INPP5D: variants seen among roughly 807,000 people sequenced by gnomAD.
The protein encoded by INPP5D is phosphatidylinositol 3,4,5-trisphosphate 5-phosphatase 1.
A neutral mutation model predicts 122.9 loss-of-function variants in INPP5D; 33 were observed. The ratio of observed to expected loss-of-function variants is 0.27; its 90% CI spans 0.20 to 0.36. The LOEUF is 0.36. INPP5D is among the 10% of genes least tolerant of loss of function. INPP5D has a pLI of 1.00. For synonymous variants in INPP5D, 584 were observed against 576.2 expected (o/e 1.01, Z -0.19); for missense variants, 1,053 against 1,412.7 (o/e 0.75, Z 4.08).
At chr2:233,095,559 G>C (rs1181530135) in intron 2 of INPP5D, among the ~76,000 whole-genome samples, 1 of 147,118 alleles carries the variant, frequency 6.8e-6, no homozygotes, top group African/African-American at 2.5e-5. Flanking sequence ...GGAGGCAGAG[G>C]TCGCAGTGAA....
intron 24 of INPP5D, 43 bp downstream of exon 24, chr2:233,195,538 G>A (rs1390668753): frequency 6.2e-7 from 1 of 1,611,808 alleles, no homozygotes; most frequent in Non-Finnish European, 8.5e-7. Context: ...GTGGATATCA[G>A]GGACTCATGA....
intron 2 of INPP5D, among the ~76,000 whole-genome samples, chr2:233,116,286 T>C (rs535898426): frequency 6.6e-6 from 1 of 151,184 alleles, no homozygotes; most frequent in East Asian, 1.9e-4. Context: ...GATATAGATA[T>C]ATAGATATAT....
At chr2:233,063,176 G>GC (rs941927055) in intron 1 of INPP5D, among the ~76,000 whole-genome samples, 2 of 152,152 alleles carry the variant, frequency 1.3e-5, no homozygotes, top group African/African-American at 4.8e-5. Context: ...AGCAGGCTTT[G>GC]CCCCCCTAGC....
At chr2:233,117,527 C>T (rs1458255344) in intron 2 of INPP5D, among the ~76,000 whole-genome samples, 1 of 152,184 alleles carries the variant, frequency 6.6e-6, no homozygotes, top group Admixed American at 6.5e-5. Context: ...GGTAGCTCCA[C>T]GGGAGGCCAC....
chr2:233,172,752 G>A (rs1409587812), intron 17 of INPP5D, among the ~76,000 whole-genome samples: 3 of 152,202 alleles, frequency 2.0e-5, no homozygotes, highest in Admixed American at 6.5e-5. Flanking sequence ...ACCTCATGAA[G>A]TGTGTATACA....
intron 13 of INPP5D, among the ~76,000 whole-genome samples, chr2:233,165,166 GGT>G (rs1694295466): frequency 6.6e-6 from 1 of 152,114 alleles, no homozygotes; most frequent in Non-Finnish European, 1.5e-5. Flanking sequence ...AGCCTGTGTA[GGT>G]GTGTGAGAGT....
chr2:233,076,284 AGGCTCTGCAAAG>A (rs1691518878), intron 1 of INPP5D: 1 of 152,252 alleles, frequency 6.6e-6, no homozygotes, highest in Non-Finnish European at 1.5e-5. Context: ...TTTGTCTGGC[AGGCTCTGCAAAG>A]GGGATTGAGG....
chr2:233,104,422 G>A (rs902103790), intron 2 of INPP5D, among the ~76,000 whole-genome samples: 10 of 152,056 alleles, frequency 6.6e-5, no homozygotes, highest in African/African-American at 9.7e-5. Flanking sequence ...TTGCATGCTC[G>A]GTCACACTTA....
At chr2:233,077,444 T>C (rs1432530481) in intron 1 of INPP5D, among the ~76,000 whole-genome samples, 1 of 152,088 alleles carries the variant, frequency 6.6e-6, no homozygotes, top group Admixed American at 6.5e-5. Flanking sequence ...GTGGATCACC[T>C]GAGGTCAGGA....
chr2:233,061,789 G>A (rs1391480497), intron 1 of INPP5D, among the ~76,000 whole-genome samples: 3 of 152,222 alleles, frequency 2.0e-5, no homozygotes, highest in African/African-American at 2.4e-5. Context: ...GCCCCCAGAG[G>A]CTGCAGCTGA....
At position 233,078,230 on chromosome 2, in the gene INPP5D, GCC is replaced by G. The variant is rs1691577618; in HGVS notation, c.135-1102_135-1101del. Reference sequence around the variant, plus strand: ...AGCAGGCTGAGGGCCACCGCAGTGTGCCCCTCTCCCAAGGTGCTAGCACTTGA... The same window carrying G: ...AGCAGGCTGAGGGCCACCGCAGTGTGCCTCTCCCAAGGTGCTAGCACTTGA... On this transcript the variant is annotated intron_variant, in intron 1 of 26. Coordinates refer to ENST00000445964, the MANE Select transcript of INPP5D (RefSeq NM_001017915.3). The surrounding 1 kb of genome is among the most constrained non-coding windows in gnomAD (Gnocchi z 4.6). Among the ~76,000 whole-genome samples, 1 of 152,226 alleles carries G rather than the reference GCC, an allele frequency of 6.6e-6. No individual in the cohort carries two copies. The highest frequency in any genetic ancestry group is 2.1e-4 in the South Asian group (1 of 4,824).
At chr2:233,191,148 G>A (rs1695047618) in intron 22 of INPP5D, among the ~76,000 whole-genome samples, 1 of 152,188 alleles carries the variant, frequency 6.6e-6, no homozygotes, top group Admixed American at 6.5e-5. Flanking sequence ...GGGCTGGGGA[G>A]GCCTCAGGAA....
chr2:233,115,357 G>C (rs941778407), intron 2 of INPP5D, among the ~76,000 whole-genome samples: 10 of 152,308 alleles, frequency 6.6e-5, no homozygotes, highest in African/African-American at 2.4e-4. Context: ...ACAGCAAACA[G>C]TGCTAAAGTT....
intron 18 of INPP5D, among the ~76,000 whole-genome samples, chr2:233,179,665 A>C (rs1021689935): frequency 6.6e-6 from 1 of 152,152 alleles, no homozygotes; most frequent in Non-Finnish European, 1.5e-5. Flanking sequence ...AGGAAGATTA[A>C]AGATACAGGG....
At chr2:233,107,975 C>T (rs1249636156) in intron 2 of INPP5D, among the ~76,000 whole-genome samples, 5 of 152,154 alleles carry the variant, frequency 3.3e-5, no homozygotes, top group African/African-American at 1.2e-4. Context: ...TGGTTTGGGA[C>T]CATGCCTGGG....
chr2:233,181,617 T>C (rs1163180236), intron 18 of INPP5D, among the ~76,000 whole-genome samples: 1 of 152,218 alleles, frequency 6.6e-6, no homozygotes, highest in Non-Finnish European at 1.5e-5. Context: ...CTTCCCAAAG[T>C]GCTCTGCTGC....
chr2:233,102,789 G>T (rs1031400070), intron 2 of INPP5D, among the ~76,000 whole-genome samples: 1 of 149,630 alleles, frequency 6.7e-6, no homozygotes, highest in Non-Finnish European at 1.5e-5. Context: ...AGCGGAGCTT[G>T]CAGTGAGCCC....
Position 233,159,179 on chromosome 2 carries a change from G to A in INPP5D, c.1137+760G>A, listed in dbSNP as rs146756646. Among the ~76,000 whole-genome samples, 421 of 152,302 alleles carry A rather than the reference G, an allele frequency of 2.8e-3. 3 individuals carry two copies. Among genetic ancestry groups the A allele is most frequent in the African/African-American group, 9.7e-3 (405 of 41,582 alleles). ...GATGCCCCTGCCAGGATGGGTTCCT[G>A]GGGTAAGAGGTGCTGTGGGCCACTG... On this transcript the variant is annotated intron_variant, in intron 10 of 26. Transcript: ENST00000445964.
At position 233,146,231 on chromosome 2, in the gene INPP5D, A is replaced by G. The variant is rs531163922; in HGVS notation, c.823A>G (p.Ile275Val). 4 of 704,232 alleles carry G rather than the reference A, an allele frequency of 5.7e-6. No homozygotes were observed. The East Asian group carries it at 8.0e-5, about 14-fold the overall frequency. The allele number at this position is 704,232 out of a possible 1,614,324, so 43.6% of individuals were successfully genotyped here. The stretch of plus-strand genomic sequence containing the variant: ...CCAACTGACAAGCCTGTTGTCGTCC[A>G]TTGAAGACAAGGTACGTGTGGGGCT... Reference protein sequence around the residue: ...LSQLTSLLSSIEDKVKALLHE... With the variant: ...LSQLTSLLSSVEDKVKALLHE... Residue 275 changes from isoleucine to valine, a missense_variant, in exon 7 of 27, where the codon ATT becomes GTT. By Grantham distance (29) the Ile-to-Val change is conservative. This residue lies in a region of INPP5D where 196 missense variants were observed against 175.6 expected (regional missense o/e 1.12). Transcript: ENST00000445964.
Sources: gnomAD v4.1 joint callset for allele counts (sites outside exome capture counted in the v4.1 genomes callset) on GRCh38, gnomAD v4.1.1 for gene constraint, gnomAD v4.1.1 regional missense constraint, Gnocchi (gnomAD v3.1) non-coding constraint, MANE v1.5 for transcripts, NCBI Gene and HGNC (gene_info 2026-07-23, HGNC 2026-07-21) for gene names.